The following ELMO1 variants were observed in gnomAD, a reference collection of about 807,000 sequenced individuals.
ELMO1 encodes the protein engulfment and cell motility 1, also known as engulfment and cell motility protein 1.
In ELMO1, 26 loss-of-function variants were observed where a neutral mutation model predicts 98.9. That is an observed-to-expected ratio of 0.26 (90% CI 0.19 to 0.36). The LOEUF (loss-of-function observed/expected upper bound fraction) is 0.36. Ranked by LOEUF, ELMO1 falls within the 10% of genes least tolerant of loss-of-function variation. ELMO1 has a pLI of 1.00. For missense variants in ELMO1, 627 were observed against 935.2 expected (o/e 0.67, Z 4.30); for synonymous variants, 346 against 346.0 (o/e 1.00, Z 0.00).
At chr7:37,384,436 T>C (rs1450307764) in intron 1 of ELMO1, among the ~76,000 whole-genome samples, 2 of 152,150 alleles carry the variant, frequency 1.3e-5, no homozygotes, top group Non-Finnish European at 2.9e-5. Flanking sequence ...TGTTTATTTG[T>C]CAGGCCAGGC....
Position 37,186,557 on chromosome 7 carries a change from C to T in ELMO1, c.1086+24829G>A, listed in dbSNP as rs534415265. Among the ~76,000 whole-genome samples, 5 of 152,266 alleles carry T rather than the reference C, an allele frequency of 3.3e-5. No individual in the cohort carries two copies. The South Asian group carries it at 8.3e-4, about 25-fold the overall frequency. ...CCACAGAATGTGAGAAGTTGCAAAT[C>T]ATGTCTGATAAGGACTTGTATCTAG... On this transcript the variant is annotated intron_variant, in intron 13 of 21. Coordinates refer to ENST00000310758, the MANE Select transcript of ELMO1 (RefSeq NM_014800.11).
chr7:37,237,293 ATTTAT>A (rs1467730653), intron 7 of ELMO1, among the ~76,000 whole-genome samples: 1 of 152,034 alleles, frequency 6.6e-6, no homozygotes, highest in Non-Finnish European at 1.5e-5. Context: ...AATTTTATTT[ATTTAT>A]TTATTTTTTT....
chr7:37,193,321 A>G (rs1791759155), intron 13 of ELMO1, among the ~76,000 whole-genome samples: 1 of 152,124 alleles, frequency 6.6e-6, no homozygotes. Flanking sequence ...ATTGTATCCA[A>G]CCAAGGCCCC....
At chr7:37,242,472 T>C (rs1435008131) in intron 7 of ELMO1, among the ~76,000 whole-genome samples, 3 of 152,220 alleles carry the variant, frequency 2.0e-5, no homozygotes, top group Non-Finnish European at 4.4e-5. Flanking sequence ...TTTTCTTAAC[T>C]ATAGGTCGTC....
intron 15 of ELMO1, among the ~76,000 whole-genome samples, chr7:37,049,359 G>A (rs977442955): frequency 4.6e-5 from 7 of 152,142 alleles, no homozygotes; most frequent in African/African-American, 1.7e-4. Flanking sequence ...AAGCTATTCT[G>A]CTACAGAAAG....
chr7:37,376,177 G>T (rs909441845), intron 1 of ELMO1, among the ~76,000 whole-genome samples: 1 of 152,180 alleles, frequency 6.6e-6, no homozygotes, highest in Admixed American at 6.5e-5. Context: ...TTATACCTTT[G>T]ATCACAGACC....
At chr7:37,202,312 G>T (rs6462740) in intron 13 of ELMO1, among the ~76,000 whole-genome samples, 41,960 of 152,008 alleles carry the variant, frequency 0.28, 6,374 homozygotes, top group African/African-American at 0.39. Context: ...GATGCTCTGT[G>T]GCAAAAAGAG....
intron 16 of ELMO1, among the ~76,000 whole-genome samples, chr7:36,980,367 G>A (rs1790940699): frequency 6.6e-6 from 1 of 152,140 alleles, no homozygotes; most frequent in South Asian, 2.1e-4. Flanking sequence ...GGATACACCT[G>A]GAAAGACCGT....
At chr7:37,435,905 C>T (rs562250731) in intron 1 of ELMO1, among the ~76,000 whole-genome samples, 8 of 152,320 alleles carry the variant, frequency 5.3e-5, no homozygotes, top group Admixed American at 3.9e-4. Context: ...GCAAATCATT[C>T]GCCATCCTTC....
chr7:36,980,086 C>A (rs531189832), intron 16 of ELMO1, among the ~76,000 whole-genome samples: 1 of 152,190 alleles, frequency 6.6e-6, no homozygotes, highest in Non-Finnish European at 1.5e-5. Flanking sequence ...GCTCCCAAAG[C>A]GCAAGGCTGC....
At chr7:37,007,391 G>A (rs1793215318) in intron 16 of ELMO1, among the ~76,000 whole-genome samples, 1 of 152,200 alleles carries the variant, frequency 6.6e-6, no homozygotes, top group South Asian at 2.1e-4. Flanking sequence ...ACAACGCTGA[G>A]TCCTCCCAGC....
At chr7:37,069,939 T>A (rs1463288397) in intron 15 of ELMO1, among the ~76,000 whole-genome samples, 4 of 152,208 alleles carry the variant, frequency 2.6e-5, no homozygotes, top group African/African-American at 9.6e-5. Flanking sequence ...TATTTATATC[T>A]AAATCCTAGA....
intron 14 of ELMO1, among the ~76,000 whole-genome samples, chr7:37,129,016 C>A (rs1333699069): frequency 6.6e-5 from 10 of 151,974 alleles, no homozygotes; most frequent in Admixed American, 6.6e-4. Context: ...ATGGCCTTTG[C>A]CATGAGGGCT....
At chr7:36,962,666 C>T (rs1317066397) in intron 16 of ELMO1, among the ~76,000 whole-genome samples, 4 of 62,496 alleles carry the variant, frequency 6.4e-5, no homozygotes, top group Non-Finnish European at 1.2e-4. Flanking sequence ...AGGGAATTAA[C>T]GGGGGTGGGG....
intron 5 of ELMO1, among the ~76,000 whole-genome samples, chr7:37,260,403 G>C (rs1334134513): frequency 6.6e-6 from 1 of 152,152 alleles, no homozygotes; most frequent in African/African-American, 2.4e-5. Context: ...AACTATCACA[G>C]GGTTAAGGTT....
At chr7:37,225,302 T>C (rs185651335) in intron 8 of ELMO1, among the ~76,000 whole-genome samples, 1 of 152,344 alleles carries the variant, frequency 6.6e-6, no homozygotes, top group African/African-American at 2.4e-5. Context: ...CTGTATTTCC[T>C]AGGATTATTC....
chr7:36,976,944 C>T (rs1201376080), intron 16 of ELMO1, among the ~76,000 whole-genome samples: 1 of 151,044 alleles, frequency 6.6e-6, no homozygotes, highest in East Asian at 1.9e-4. Context: ...ATGGAGGCAC[C>T]TGACCTCAGT....
intron 16 of ELMO1, among the ~76,000 whole-genome samples, chr7:36,998,842 T>C (rs886606823): frequency 6.6e-6 from 1 of 151,990 alleles, no homozygotes; most frequent in African/African-American, 2.4e-5. Flanking sequence ...AGTGGATTAA[T>C]ACATGAAAAG....
In ELMO1 at chr7:36,915,164, T is replaced by C. The variant is rs1040879866; in HGVS notation, c.1438-20147A>G. ...CTGGTCTTGAACTCGTGGCTTCAAGTGAGCCAATCTTTCTGCCCAGCCCCC... is the reference window on the plus strand; with the variant it reads ...CTGGTCTTGAACTCGTGGCTTCAAGCGAGCCAATCTTTCTGCCCAGCCCCC... On this transcript the variant is annotated intron_variant, in intron 16 of 21. Coordinates refer to ENST00000310758, the MANE Select transcript of ELMO1 (RefSeq NM_014800.11). Among the ~76,000 whole-genome samples the C allele has an allele frequency of 3.3e-5, 5 of 152,116 alleles. No individual in the cohort carries two copies. In the East Asian group the frequency reaches 9.7e-4, roughly 29 times the overall value.
Sources: gnomAD v4.1 joint callset for allele counts (sites outside exome capture counted in the v4.1 genomes callset) on GRCh38, gnomAD v4.1.1 for gene constraint, MANE v1.5 for transcripts, NCBI Gene and HGNC (gene_info 2026-07-23, HGNC 2026-07-21) for gene names.